RANBP2: variants seen among roughly 807,000 people sequenced by gnomAD.
The protein encoded by RANBP2 is RAN binding protein 2, also known as E3 SUMO-protein ligase RanBP2.
RANBP2 carries 57 observed loss-of-function variants against 303.6 expected under a neutral mutation model. The ratio of observed to expected loss-of-function variants is 0.19; its 90% CI spans 0.15 to 0.23. The LOEUF is 0.23. Ranked by LOEUF, RANBP2 falls within the 10% of genes least tolerant of loss-of-function variation. The pLI, the probability that RANBP2 is intolerant of heterozygous loss-of-function variation, is 1.00. For missense variants in RANBP2, 3,138 were observed against 3,780.8 expected (o/e 0.83, Z 4.46); for synonymous variants, 1,167 against 1,301.5 (o/e 0.90, Z 2.23).
At chr2:109,290,333 T>C in the RANBP2 span, among the ~76,000 whole-genome samples, 1 of 152,234 alleles carries the variant, frequency 6.6e-6, no homozygotes, top group East Asian at 1.9e-4. Flanking sequence ...TACATACTTA[T>C]TAGAGTAAAT....
At chr2:109,702,472 TG>T in the RANBP2 span, among the ~76,000 whole-genome samples, 1 of 152,196 alleles carries the variant, frequency 6.6e-6, no homozygotes, top group African/African-American at 2.4e-5. Flanking sequence ...ACCTGAACTC[TG>T]GTCTGAAGGC....
chr2:108,786,863 T>C, downstream of RANBP2: 2 of 1,585,596 alleles, frequency 1.3e-6, no homozygotes, highest in Non-Finnish European at 1.7e-6. Context: ...CAGGATTTAG[T>C]AGTGGAGAGT....
At chr2:109,392,098 G>A in the RANBP2 span, among the ~76,000 whole-genome samples, 156 of 152,262 alleles carry the variant, frequency 1.0e-3, no homozygotes, top group Non-Finnish European at 2.0e-3. Context: ...TTACAAACAT[G>A]AGCCACTGTG....
chr2:109,118,680 TC>T, the RANBP2 span, among the ~76,000 whole-genome samples: 9 of 152,076 alleles, frequency 5.9e-5, no homozygotes, highest in Non-Finnish European at 1.0e-4. Context: ...ACTGGTGCCC[TC>T]TCTGAGGCTC....
At chr2:109,217,387 C>G in the RANBP2 span, among the ~76,000 whole-genome samples, 1 of 152,218 alleles carries the variant, frequency 6.6e-6, no homozygotes, top group African/African-American at 2.4e-5. Flanking sequence ...GTCAAATTCC[C>G]ATCTGAACAT....
At chr2:109,479,592 G>A in the RANBP2 span, among the ~76,000 whole-genome samples, 105 of 152,306 alleles carry the variant, frequency 6.9e-4, no homozygotes, top group African/African-American at 2.3e-3. Flanking sequence ...GCAGGGCCAG[G>A]TGTGCCCGTA....
At chr2:109,518,025 C>A in the RANBP2 span, among the ~76,000 whole-genome samples, 1 of 152,214 alleles carries the variant, frequency 6.6e-6, no homozygotes, top group Non-Finnish European at 1.5e-5. Flanking sequence ...TGAGGCCCTG[C>A]AGATACGAGC....
the RANBP2 span, among the ~76,000 whole-genome samples, chr2:109,244,288 C>T: frequency 3.3e-5 from 5 of 152,292 alleles, no homozygotes; most frequent in South Asian, 1.0e-3. Context: ...TATGCAACAG[C>T]TTCTTCAGGC....
At chr2:108,892,322 A>C in the RANBP2 span, among the ~76,000 whole-genome samples, 1 of 152,272 alleles carries the variant, frequency 6.6e-6, no homozygotes, top group South Asian at 2.1e-4. Context: ...CCCAGTGGCA[A>C]CTTACACCCT....
chr2:108,824,234 G>GT, the RANBP2 span, among the ~76,000 whole-genome samples: 5 of 151,730 alleles, frequency 3.3e-5, no homozygotes, highest in African/African-American at 4.8e-5. Flanking sequence ...AAACTTTTTA[G>GT]TTTTTTTAAC....
At chr2:109,554,568 C>A in the RANBP2 span, among the ~76,000 whole-genome samples, 2 of 152,098 alleles carry the variant, frequency 1.3e-5, no homozygotes, top group African/African-American at 4.8e-5. Flanking sequence ...ATGAACTTAA[C>A]GCTTACAGCT....
the RANBP2 span, among the ~76,000 whole-genome samples, chr2:109,093,412 A>G: frequency 6.6e-6 from 1 of 151,212 alleles, no homozygotes; most frequent in East Asian, 1.9e-4. Flanking sequence ...TTTGTAAAAA[A>G]AAAAAAAAAA....
chr2:108,902,631 C>T, the RANBP2 span, among the ~76,000 whole-genome samples: 2 of 152,064 alleles, frequency 1.3e-5, no homozygotes, highest in Non-Finnish European at 1.5e-5. Flanking sequence ...AATGCAAAAT[C>T]CTTAACAAAA....
At chr2:109,081,762 C>G in the RANBP2 span, among the ~76,000 whole-genome samples, 1 of 152,204 alleles carries the variant, frequency 6.6e-6, no homozygotes, top group African/African-American at 2.4e-5. Context: ...CACAACCTGC[C>G]GCCGCCAGGG....
the RANBP2 span, among the ~76,000 whole-genome samples, chr2:108,923,843 T>C: frequency 6.9e-4 from 105 of 152,346 alleles, no homozygotes; most frequent in African/African-American, 2.4e-3. Flanking sequence ...AGGAGGAACA[T>C]GCCCTCTGTG....
chr2:109,612,930 T>C, the RANBP2 span, among the ~76,000 whole-genome samples: 13 of 152,364 alleles, frequency 8.5e-5, no homozygotes, highest in Non-Finnish European at 1.2e-4. Context: ...CAATTTAAAC[T>C]TCTCATGTAG....
At chr2:108,906,053 GTGCC>G in the RANBP2 span, among the ~76,000 whole-genome samples, 1 of 152,178 alleles carries the variant, frequency 6.6e-6, no homozygotes, top group Non-Finnish European at 1.5e-5. Context: ...CCTACAGTGG[GTGCC>G]TGCACCAGGC....
the RANBP2 span, among the ~76,000 whole-genome samples, chr2:109,374,480 G>A: frequency 2.6e-5 from 4 of 152,206 alleles, no homozygotes; most frequent in African/African-American, 9.6e-5. Context: ...GGCCCAAACT[G>A]CTTCCCTCTG....
the RANBP2 span, among the ~76,000 whole-genome samples, chr2:109,375,278 C>T: frequency 6.6e-6 from 1 of 152,344 alleles, no homozygotes; most frequent in African/African-American, 2.4e-5. Context: ...GCCTCCTTGT[C>T]CTTTTCGCCC....
Sources: allele counts gnomAD v4.1 joint callset (sites outside exome capture counted in the v4.1 genomes callset), GRCh38; gene constraint gnomAD v4.1.1; transcripts MANE v1.5; gene names NCBI Gene and HGNC (gene_info 2026-07-23, HGNC 2026-07-21).